IK: variants seen among roughly 807,000 people sequenced by gnomAD.
IK encodes IK cytokine.
Under a neutral mutation model 90.9 loss-of-function variants are expected in IK, and 47 were observed. That is an observed-to-expected ratio of 0.52 (90% CI 0.41 to 0.66). IK has a LOEUF of 0.66. Among genes scored for constraint, IK ranks in the 30% least tolerant of loss-of-function variants. The pLI, the probability that IK is intolerant of heterozygous loss-of-function variation, is 0.00. For missense variants in IK, 385 were observed against 709.3 expected (o/e 0.54, Z 5.19); for synonymous variants, 201 against 227.5 (o/e 0.88, Z 1.05).
rs549393853 is a variant in IK, at chr5:140,650,985, C to T, written c.84-729C>T. On this transcript the variant is annotated intron_variant, in intron 2 of 19. Coordinates refer to ENST00000417647, the MANE Select transcript of IK (RefSeq NM_006083.4). Reference sequence around the variant, plus strand: ...ATATAAATAAATGGAGTTGCTGGCTCATAGGATATATATACTTAAATTTTA... The same window carrying T: ...ATATAAATAAATGGAGTTGCTGGCTTATAGGATATATATACTTAAATTTTA... 6.6e-5 allele frequency among the ~76,000 whole-genome samples: 10 copies of T among 152,300 alleles called. No homozygotes were observed. In the East Asian group the frequency reaches 1.5e-3, roughly 23 times the overall value.
intron 2 of IK, among the ~76,000 whole-genome samples, chr5:140,649,653 A>G (rs926963728): frequency 2.0e-5 from 3 of 152,092 alleles, no homozygotes; most frequent in African/African-American, 4.8e-5. Flanking sequence ...CTTCTGCCTC[A>G]GTTTCCCCAG....
chr5:140,658,698 C>T, intron 10 of IK, 39 bp from the exon 11 acceptor site: 1 of 1,507,998 alleles, frequency 6.6e-7, no homozygotes, highest in Non-Finnish European at 9.1e-7. Context: ...TGGAAATTAA[C>T]TGAGGAGTAT....
chr5:140,647,993 C>A (rs1009713574), intron 1 of IK, 69 bp downstream of exon 1: 3 of 1,448,336 alleles, frequency 2.1e-6, no homozygotes, highest in Non-Finnish European at 2.9e-6. Context: ...ATTGTAGCTT[C>A]TGAGCTTAAG....
rs1444734109 is a variant in IK, at chr5:140,651,803, A to G, written c.173A>G (p.His58Arg). 2 of 1,596,488 alleles carry G rather than the reference A, an allele frequency of 1.3e-6. No homozygotes were observed. The highest frequency in any genetic ancestry group is 1.7e-6 in the Non-Finnish European group (2 of 1,164,056). The part of the protein sequence containing the change: ...TSAPPSKSRH[H>R]EMPREYNEDE... Reference sequence around the variant, plus strand: ...GCACCACCTTCTAAGTCACGTCACCATGAGTAAGTCTTTGGGTGATCCAAC... The same window carrying G: ...GCACCACCTTCTAAGTCACGTCACCGTGAGTAAGTCTTTGGGTGATCCAAC... Residue 58 changes from histidine to arginine, a missense_variant, in exon 3 of 20, where the codon CAT (histidine) becomes CGT (arginine). By Grantham distance (29) the His-to-Arg change is conservative (BLOSUM62 0). Coordinates refer to ENST00000417647, the MANE Select transcript of IK (RefSeq NM_006083.4).
intron 11 of IK, 33 bp downstream of exon 11, chr5:140,658,809 G>T (rs1282413673): frequency 6.2e-7 from 1 of 1,604,576 alleles, no homozygotes; most frequent in South Asian, 1.1e-5. Flanking sequence ...TCTGATCAGA[G>T]GGAGGGGGTC....
intron 3 of IK, 26 bp from the exon 4 acceptor site, chr5:140,652,062 A>C: frequency 1.9e-6 from 3 of 1,590,506 alleles, no homozygotes; most frequent in Non-Finnish European, 2.6e-6. Context: ...ATATTTTGCT[A>C]TCAGTGAATT....
At chr5:140,654,446 C>T (rs992619115) in intron 6 of IK, 70 bp from the exon 7 acceptor site, 25 of 1,136,744 alleles carry the variant, frequency 2.2e-5, no homozygotes, top group Non-Finnish European at 3.1e-5. Context: ...GTTCCTGGTA[C>T]AGTGTGGTGT....
chr5:140,660,673 C>A (rs1293292864), intron 15 of IK, 85 bp from the exon 16 acceptor site: 2 of 1,034,272 alleles, frequency 1.9e-6, no homozygotes, highest in Non-Finnish European at 3.0e-6. Context: ...CATTCCTATG[C>A]AGATAACCTC....
At chr5:140,648,042 G>GTGTGTGTGTGTGTA (rs879137324) in intron 1 of IK, 118 bp downstream of exon 1, 43 of 471,440 alleles carry the variant, frequency 9.1e-5, no homozygotes, top group East Asian at 2.7e-4. Context: ...GTGTGTGTGT[G>GTGTGTGTGTGTGTA]TGTATGTATG....
Position 140,654,667 on chromosome 5 carries a change from T to G in IK, c.591-14T>G, listed in dbSNP as rs755749141. On this transcript the variant is annotated splice_polypyrimidine_tract_variant and intron_variant, in intron 7 of 19. Coordinates refer to ENST00000417647, the MANE Select transcript of IK (RefSeq NM_006083.4). Reference sequence around the variant, plus strand: ...AGCACATTTAGCAAAAATAAAACTTTTTTGTCTTTTCAGGAAAGATGAGGA... The same window carrying G: ...AGCACATTTAGCAAAAATAAAACTTGTTTGTCTTTTCAGGAAAGATGAGGA... 1.2e-5 allele frequency: 19 copies of G among 1,599,160 alleles called. No individual in the cohort carries two copies. In the East Asian group the frequency reaches 4.0e-4, roughly 34 times the overall value.
chr5:140,648,738 TAA>T (rs1201769720), intron 2 of IK: 9 of 534,928 alleles, frequency 1.7e-5, no homozygotes, highest in Non-Finnish European at 2.6e-5. Flanking sequence ...GGAAAGGTGT[TAA>T]GTTTTTTTTT....
At chr5:140,653,912 C>A in intron 5 of IK, 26 bp from the exon 6 acceptor site, 1 of 1,435,460 alleles carries the variant, frequency 7.0e-7, no homozygotes, top group Non-Finnish European at 9.8e-7. Context: ...CAGTACTGTT[C>A]TTATGTGGCC....
Position 140,662,376 on chromosome 5 carries a change from G to T in IK, c.*47G>T, listed in dbSNP as rs1252543920. The T allele has an allele frequency of 6.3e-7, 1 of 1,593,426 alleles. No individual in the cohort carries two copies. Among genetic ancestry groups the T allele is most frequent in the Non-Finnish European group, 8.6e-7 (1 of 1,161,934 alleles). ...GCTCCACAAGGATATGCTCCCCACT[G>T]TTTTCTTTCTACAATTTCCAAAGGT... On this transcript the variant is annotated 3_prime_UTR_variant, in exon 20 of 20. Coordinates refer to ENST00000417647, the MANE Select transcript of IK (RefSeq NM_006083.4).
rs1168671654 is a variant in IK at position 140,661,159 on chromosome 5, T to C, written c.1413+344T>C. ...TAACTAAATTTTATTCTAGCCAGGA[T>C]TGAAGTTTTCCTCTAAGTCTTAAGC... On this transcript the variant is annotated intron_variant, in intron 16 of 19. Transcript: ENST00000417647. This position sits in a 1 kb window ranked among gnomAD's most constrained non-coding sequence, Gnocchi z 4.2. 3.4e-6 allele frequency: 1 copy of C among 298,502 alleles called. No homozygotes were observed. The highest frequency in any genetic ancestry group is 2.2e-5 in the African/African-American group (1 of 45,982). 18.5% of individuals were successfully genotyped at this position (298,502 alleles called of 1,614,324 possible).
chr5:140,659,981 C>T (rs1757774257), intron 14 of IK, 134 bp from the exon 15 acceptor site: 1 of 929,820 alleles, frequency 1.1e-6, no homozygotes, highest in Non-Finnish European at 1.7e-6. Flanking sequence ...CTTGTTCCTT[C>T]CCAGAGCACC....
At position 140,648,137 on chromosome 5, in the gene IK, A is replaced by G. The variant is rs1561968927; in HGVS notation, c.16+213A>G. On this transcript the variant is annotated intron_variant, in intron 1 of 19. Transcript: ENST00000417647. Reference sequence around the variant, plus strand: ...AACTCCGTCCCCAGTCCTCACTCCTACTCCAAGTGATGATGGGCGGCTTTT... The same window carrying G: ...AACTCCGTCCCCAGTCCTCACTCCTGCTCCAAGTGATGATGGGCGGCTTTT... 4.2e-6 allele frequency: 3 copies of G among 715,800 alleles called. No individual in the cohort carries two copies. The Admixed American group carries it at 6.0e-5, about 14-fold the overall frequency. The allele number at this position is 715,800 out of a possible 1,614,324, so 44.3% of individuals were successfully genotyped here.
chr5:140,651,839 A>G lies in IK; in HGVS notation c.176+33A>G, dbSNP rs191264413. 3,255 of 1,349,264 alleles carry G rather than the reference A, an allele frequency of 2.4e-3. 14 individuals are homozygous for G. The highest frequency in any genetic ancestry group is 0.01 in the Middle Eastern group (57 of 5,562). 83.6% of individuals were successfully genotyped at this position (1,349,264 alleles called of 1,614,324 possible). On this transcript the variant is annotated intron_variant, in intron 3 of 19. Transcript: ENST00000417647. ...TTTGGGTGATCCAACCTGTCTCCCA[A>G]CTTGTTTCTTGCTCCTTCCTATTTC...
At chr5:140,656,627 A>T (rs1200536692) in intron 9 of IK, among the ~76,000 whole-genome samples, 1 of 152,170 alleles carries the variant, frequency 6.6e-6, no homozygotes, top group Admixed American at 6.5e-5. Flanking sequence ...GAATTTTTTT[A>T]AAAATTTTTG....
chr5:140,659,123 AAG>A lies in IK; in HGVS notation c.1139_1140del (p.Arg380ThrfsTer5), dbSNP rs1372196391. The A allele has an allele frequency of 6.2e-7, 1 of 1,601,542 alleles. No individual in the cohort carries two copies. The highest frequency in any genetic ancestry group is 2.3e-5 in the East Asian group (1 of 44,344). On this transcript the variant is annotated frameshift_variant, in exon 12 of 20. Coordinates refer to ENST00000417647, the MANE Select transcript of IK (RefSeq NM_006083.4). LOFTEE classifies it high-confidence loss of function. ...GGACCGAGAGAGAGAAGAGGAAAAG[AAG>A]AGACACAGCTACTTTGAGAAGCCAA... ...ERDREREEEK[K>X]RHSYFEKPKV...
Sources: gnomAD v4.1 joint callset for allele counts (sites outside exome capture counted in the v4.1 genomes callset) on GRCh38, gnomAD v4.1.1 for gene constraint, Gnocchi (gnomAD v3.1) non-coding constraint, MANE v1.5 for transcripts, NCBI Gene and HGNC (gene_info 2026-07-23, HGNC 2026-07-21) for gene names.